BDH1: variants seen among roughly 807,000 people sequenced by gnomAD.
The protein encoded by BDH1 is 3-hydroxybutyrate dehydrogenase 1.
In BDH1, 30 loss-of-function variants were observed where a neutral mutation model predicts 33.1. The observed-to-expected ratio is 0.91, with a 90% CI of 0.68 to 1.23. The LOEUF (loss-of-function observed/expected upper bound fraction) is 1.23, where lower values mean the gene tolerates loss of function less well. Ranked by LOEUF, BDH1 falls within the 50% of genes most tolerant of loss-of-function variation. The probability of loss-of-function intolerance (pLI) is 0.00; values close to 1 mark genes in which losing one functional copy is unlikely to be tolerated. For synonymous variants in BDH1, 190 were observed against 183.6 expected, an observed-to-expected ratio of 1.03 and a Z score of -0.28; for missense variants, 443 against 464.4, an observed-to-expected ratio of 0.95 and a Z score of 0.42.
intron 2 of BDH1, among the ~76,000 whole-genome samples, chr3:197,553,623 G>A (rs1716756842): frequency 6.6e-6 from 1 of 152,006 alleles, no homozygotes; most frequent in East Asian, 1.9e-4. Flanking sequence ...TTAATAAGTT[G>A]AGGATGGACT....
In BDH1 at chr3:197,516,853, A is replaced by G. The variant is rs1712785553; in HGVS notation, c.410-2437T>C. The stretch of plus-strand genomic sequence containing the variant: ...TGGCAGACCCCTAATCAAGCCCTTT[A>G]CATTCATTAACTTCCCTGATCCTCA... On this transcript the variant is annotated intron_variant, in intron 6 of 7. Coordinates refer to ENST00000392379, the MANE Select transcript of BDH1 (RefSeq NM_203314.3). This position sits in a 1 kb window ranked among gnomAD's most constrained non-coding sequence, Gnocchi z 4.2. 6.6e-6 allele frequency among the ~76,000 whole-genome samples: 1 copy of G among 151,916 alleles called. No individual in the cohort carries two copies.
chr3:197,513,850 T>G lies in BDH1; in HGVS notation c.562+414A>C, dbSNP rs1712380299. ...TTTCTAATCTTGATTTTTACTATTG[T>G]TCCCTAATACCACAATGATCTCATT... On this transcript the variant is annotated intron_variant, in intron 7 of 7. Transcript: ENST00000392379. Among the ~76,000 whole-genome samples the G allele has an allele frequency of 2.6e-5, 4 of 152,344 alleles. No homozygotes were observed. In the South Asian group the frequency reaches 8.3e-4, roughly 32 times the overall value.
intron 1 of BDH1, among the ~76,000 whole-genome samples, chr3:197,565,748 A>C (rs999134333): frequency 2.0e-5 from 3 of 152,210 alleles, no homozygotes; most frequent in Admixed American, 2.0e-4. Context: ...GTCATCCACA[A>C]ACAATTGTCT....
chr3:197,515,402 G>A (rs1712591106), intron 6 of BDH1: 2 of 985,606 alleles, frequency 2.0e-6, no homozygotes, highest in African/African-American at 1.7e-5. Flanking sequence ...CGTCATCCAC[G>A]ACCCCACAGC....
Position 197,522,747 on chromosome 3 carries a change from C to T in BDH1, c.302G>A (p.Ser101Asn). The T allele has an allele frequency of 6.2e-7, 1 of 1,614,178 alleles. No individual in the cohort carries two copies. The change falls in exon 6 of 8, where the codon AGC becomes AAC. Residue 101 changes from serine (S) to asparagine (N), a missense_variant. Ser to Asn is a conservative substitution (Grantham distance 46). Transcript: ENST00000392379. This position sits in a 1 kb window ranked among gnomAD's most constrained non-coding sequence, Gnocchi z 4.8. Reference protein sequence around the residue: ...KGHDGVKELDSLNSDRLRTVQ... With the variant: ...KGHDGVKELDNLNSDRLRTVQ... ...GGTTCTCAATCGGTCACTGTTTAGG[C>T]TGTCCAGCTCCTTGACCCCATCATG...
chr3:197,524,852 C>T (rs917605892), intron 5 of BDH1, among the ~76,000 whole-genome samples: 2 of 152,102 alleles, frequency 1.3e-5, no homozygotes, highest in Non-Finnish European at 2.9e-5. Context: ...CGCTTCCGTT[C>T]CTGGACTGTC....
Position 197,531,220 on chromosome 3 carries a change from A to G in BDH1, c.267+1192T>C, listed in dbSNP as rs1456447843. Among the ~76,000 whole-genome samples the G allele has an allele frequency of 5.3e-5, 8 of 151,658 alleles. No individual in the cohort carries two copies. The East Asian group carries it at 1.4e-3, about 26-fold the overall frequency. ...AGACCAGTCTGGCCAACATGGTGAA[A>G]CCCCGTCTCTAATAAAAATACAAAA... On this transcript the variant is annotated intron_variant, in intron 5 of 7. Coordinates refer to ENST00000392379, the MANE Select transcript of BDH1 (RefSeq NM_203314.3).
Position 197,510,598 on chromosome 3 carries a change from GGGTGTGTGT to G in BDH1, c.*1288_*1296del, listed in dbSNP as rs1434183093. ...GCCACGCTGAAGCCCTGCAGAACAG[GGGTGTGTGT>G]GTGTGTGTGTGTGTGTGTGTGTGTG... On this transcript the variant is annotated 3_prime_UTR_variant, in exon 8 of 8. Coordinates refer to ENST00000392379, the MANE Select transcript of BDH1 (RefSeq NM_203314.3). 8.9e-5 allele frequency: 11 copies of G among 123,326 alleles called. No homozygotes were observed. Among genetic ancestry groups the G allele is most frequent in the Non-Finnish European group, 1.7e-4 (10 of 60,136 alleles). The allele number at this position is 123,326 out of a possible 1,614,324, so 7.6% of individuals were successfully genotyped here. A position where few individuals can be genotyped will look rare whatever the true frequency, so the allele number is the denominator to read the frequency against.
chr3:197,548,642 T>C (rs149610256), intron 2 of BDH1, among the ~76,000 whole-genome samples: 2,302 of 151,738 alleles, frequency 0.015, 74 homozygotes, highest in African/African-American at 0.053. Context: ...CCTGAGGTCA[T>C]GAGTTCGAGA....
chr3:197,534,852 T>C (rs114093997), intron 3 of BDH1, among the ~76,000 whole-genome samples: 1,935 of 152,314 alleles, frequency 0.013, 49 homozygotes, highest in African/African-American at 0.044. Flanking sequence ...TCTTTTCATG[T>C]TTATTTGTCA....
chr3:197,528,003 T>C lies in BDH1; in HGVS notation c.267+4409A>G, dbSNP rs1219910333. Among the ~76,000 whole-genome samples, 1 of 152,202 alleles carries C rather than the reference T, an allele frequency of 6.6e-6. No homozygotes were observed. Among genetic ancestry groups the C allele is most frequent in the Non-Finnish European group, 1.5e-5 (1 of 68,036 alleles). ...TTTTACCACCCTGCAGAGAAGCAAT[T>C]TACTTATCTTATTCCTTGCCTATCA... On this transcript the variant is annotated intron_variant, in intron 5 of 7. Transcript: ENST00000392379. This position sits in a 1 kb window ranked among gnomAD's most constrained non-coding sequence, Gnocchi z 5.1.
intron 3 of BDH1, chr3:197,546,123 G>T (rs904892834): frequency 2.4e-6 from 1 of 423,674 alleles, no homozygotes. Flanking sequence ...GCAACAGAGT[G>T]AGACTCCATC....
rs1284937793 is a variant in BDH1 at position 197,526,597 on chromosome 3, G to A, written c.268-3816C>T. 2.0e-5 allele frequency among the ~76,000 whole-genome samples: 3 copies of A among 152,152 alleles called. No individual in the cohort carries two copies. Among genetic ancestry groups the A allele is most frequent in the Non-Finnish European group, 4.4e-5 (3 of 68,026 alleles). Reference sequence around the variant, plus strand: ...AGCCCCTGGCCTCAGTGATGTACCCGCTTCTGGCTGGGGCCACATGGATCC... The same window carrying A: ...AGCCCCTGGCCTCAGTGATGTACCCACTTCTGGCTGGGGCCACATGGATCC... On this transcript the variant is annotated intron_variant, in intron 5 of 7. Coordinates refer to ENST00000392379, the MANE Select transcript of BDH1 (RefSeq NM_203314.3). This position sits in a 1 kb window ranked among gnomAD's most constrained non-coding sequence, Gnocchi z 4.7.
Position 197,546,206 on chromosome 3 carries a change from C to G in BDH1, c.83+155G>C, listed in dbSNP as rs144597961. On this transcript the variant is annotated intron_variant, in intron 3 of 7. Coordinates refer to ENST00000392379, the MANE Select transcript of BDH1 (RefSeq NM_203314.3). ...TGTGTGCCCTGGGAAAATGTCTTCC[C>G]AGGACACCTCTGAGTTTCCTCTGCT... 1.0e-5 allele frequency: 7 copies of G among 678,418 alleles called. No individual in the cohort carries two copies. In the Admixed American group the frequency reaches 1.6e-4, roughly 15 times the overall value. The allele number at this position is 678,418 out of a possible 1,614,324, so 42.0% of individuals were successfully genotyped here. A position where few individuals can be genotyped will look rare whatever the true frequency, so the allele number is the denominator to read the frequency against.
At chr3:197,540,261 C>T (rs1430361591) in intron 3 of BDH1, among the ~76,000 whole-genome samples, 3 of 149,436 alleles carry the variant, frequency 2.0e-5, no homozygotes, top group African/African-American at 7.3e-5. Flanking sequence ...ACCATGTTGG[C>T]CAGGCTGGTC....
intron 2 of BDH1, among the ~76,000 whole-genome samples, chr3:197,551,639 G>T (rs111317271): frequency 0.015 from 2,330 of 152,154 alleles, 32 homozygotes; most frequent in Middle Eastern, 0.027. Context: ...GTTTTTGGAG[G>T]AACCTACAAA....
intron 1 of BDH1, among the ~76,000 whole-genome samples, chr3:197,567,032 AT>A (rs1448560236): frequency 6.6e-6 from 1 of 151,860 alleles, no homozygotes; most frequent in African/African-American, 2.4e-5. Flanking sequence ...ATTTTCCAGG[AT>A]TGTTCTTTTG....
chr3:197,531,255 G>C (rs1714615461), intron 5 of BDH1, among the ~76,000 whole-genome samples: 1 of 151,700 alleles, frequency 6.6e-6, no homozygotes, highest in Non-Finnish European at 1.5e-5. Context: ...AATTAGGTGG[G>C]CATGGTGGCT....
intron 6 of BDH1, chr3:197,515,386 G>A: frequency 3.0e-6 from 3 of 985,732 alleles, no homozygotes; most frequent in Non-Finnish European, 2.4e-6. Flanking sequence ...CTAATGACAG[G>A]ATCAGCGTCA....
Sources: allele counts gnomAD v4.1 joint callset (sites outside exome capture counted in the v4.1 genomes callset), GRCh38; gene constraint gnomAD v4.1.1; non-coding constraint Gnocchi (gnomAD v3.1); transcripts MANE v1.5; gene names NCBI Gene and HGNC (gene_info 2026-07-23, HGNC 2026-07-21).